The following LUZP2 variants were observed in gnomAD, a reference collection of about 807,000 sequenced individuals.
LUZP2 encodes leucine zipper protein 2.
In LUZP2, 52 loss-of-function variants were observed where a neutral mutation model predicts 51.6. That is an observed-to-expected ratio of 1.01 (90% CI 0.81 to 1.27). The LOEUF (loss-of-function observed/expected upper bound fraction) is 1.27. LUZP2 is among the 50% of genes most tolerant of loss of function. The probability of loss-of-function intolerance (pLI) is 0.00; values close to 1 mark genes in which losing one functional copy is unlikely to be tolerated. For missense variants in LUZP2, 436 were observed against 395.4 expected (o/e 1.10, Z -0.87); for synonymous variants, 154 against 137.3 (o/e 1.12, Z -0.85).
chr11:24,723,769 T>C (rs189410023), intron 1 of LUZP2, among the ~76,000 whole-genome samples: 1 of 152,102 alleles, frequency 6.6e-6, no homozygotes, highest in Non-Finnish European at 1.5e-5. Flanking sequence ...AGTTCGAGGC[T>C]GCAGTGAGCT....
chr11:24,623,471 A>G (rs939204795), intron 1 of LUZP2, among the ~76,000 whole-genome samples: 1 of 152,188 alleles, frequency 6.6e-6, no homozygotes, highest in Non-Finnish European at 1.5e-5. Context: ...TGAAAAGAAC[A>G]CAAGGATCTA....
intron 1 of LUZP2, 31 bp downstream of exon 1, chr11:24,497,336 C>T: frequency 6.8e-7 from 1 of 1,471,954 alleles, no homozygotes. Flanking sequence ...GACCTGAGGC[C>T]AGGGGCGCTG....
intron 5 of LUZP2, among the ~76,000 whole-genome samples, chr11:24,801,371 A>G (rs1590553749): frequency 6.6e-6 from 1 of 152,192 alleles, no homozygotes; most frequent in Non-Finnish European, 1.5e-5. Flanking sequence ...CAGTGGTCAC[A>G]TGTTCACTAA....
chr11:24,920,594 G>A (rs1358428971), intron 7 of LUZP2, among the ~76,000 whole-genome samples: 1 of 151,854 alleles, frequency 6.6e-6, no homozygotes, highest in Non-Finnish European at 1.5e-5. Flanking sequence ...CATATGGAAT[G>A]CTATTCAACT....
At chr11:24,730,411 A>C (rs1253171273) in intron 2 of LUZP2, among the ~76,000 whole-genome samples, 1 of 151,810 alleles carries the variant, frequency 6.6e-6, no homozygotes, top group East Asian at 1.9e-4. Context: ...CGAGAGCAAA[A>C]AAAAAAAATT....
chr11:24,580,417 G>A (rs1852807155), intron 1 of LUZP2, among the ~76,000 whole-genome samples: 1 of 152,082 alleles, frequency 6.6e-6, no homozygotes, highest in Admixed American at 6.6e-5. Context: ...AAATAAATAG[G>A]CTGAGAGTTT....
intron 1 of LUZP2, among the ~76,000 whole-genome samples, chr11:24,581,652 CAG>C (rs1420641202): frequency 1.3e-5 from 2 of 151,034 alleles, no homozygotes; most frequent in Non-Finnish European, 2.9e-5. Context: ...GCCTGGGTGA[CAG>C]AGTGAGACTC....
intron 4 of LUZP2, among the ~76,000 whole-genome samples, chr11:24,755,418 A>C (rs1328765010): frequency 6.6e-6 from 1 of 152,150 alleles, no homozygotes; most frequent in African/African-American, 2.4e-5. Flanking sequence ...TAGTGGCCTG[A>C]GCTCAGACAG....
At chr11:24,620,880 C>T (rs757762626) in intron 1 of LUZP2, among the ~76,000 whole-genome samples, 1 of 152,162 alleles carries the variant, frequency 6.6e-6, no homozygotes, top group Non-Finnish European at 1.5e-5. Flanking sequence ...TCAGTGAGAA[C>T]ATATAAGATT....
chr11:24,912,384 G>C (rs1853661339), intron 6 of LUZP2, among the ~76,000 whole-genome samples: 1 of 151,974 alleles, frequency 6.6e-6, no homozygotes, highest in South Asian at 2.1e-4. Flanking sequence ...CCTTGTAGTG[G>C]TGCATCATTG....
chr11:24,552,543 G>C (rs1425008736), intron 1 of LUZP2, among the ~76,000 whole-genome samples: 7 of 152,058 alleles, frequency 4.6e-5, no homozygotes, highest in Non-Finnish European at 7.4e-5. Flanking sequence ...ATTTGCAGCT[G>C]AAAAGATCAT....
intron 5 of LUZP2, among the ~76,000 whole-genome samples, chr11:24,872,782 T>C (rs1306053357): frequency 6.6e-6 from 1 of 152,172 alleles, no homozygotes; most frequent in Non-Finnish European, 1.5e-5. Context: ...GCACATTCTT[T>C]GTTTCCTCTT....
chr11:24,883,192 A>AT (rs1462367275), intron 5 of LUZP2, among the ~76,000 whole-genome samples: 1 of 151,708 alleles, frequency 6.6e-6, no homozygotes, highest in African/African-American at 2.4e-5. Flanking sequence ...TTTAAAGTAA[A>AT]TTTTTTAATG....
intron 10 of LUZP2, among the ~76,000 whole-genome samples, chr11:25,053,970 G>A (rs995294739): frequency 6.6e-6 from 1 of 152,044 alleles, no homozygotes; most frequent in Non-Finnish European, 1.5e-5. Flanking sequence ...TCAGTAATGA[G>A]GGCTCACCTT....
intron 5 of LUZP2, among the ~76,000 whole-genome samples, chr11:24,766,315 AG>A (rs1365832153): frequency 2.0e-5 from 3 of 152,166 alleles, no homozygotes; most frequent in Non-Finnish European, 4.4e-5. Flanking sequence ...ACAATTAACA[AG>A]GGGTGAAATA....
chr11:24,800,466 T>C (rs1316126069), intron 5 of LUZP2, among the ~76,000 whole-genome samples: 1 of 150,960 alleles, frequency 6.6e-6, no homozygotes, highest in African/African-American at 2.4e-5. Context: ...GAATTCCCTA[T>C]ATAAGCATGT....
chr11:25,056,883 G>A (rs1215229107), intron 10 of LUZP2, among the ~76,000 whole-genome samples: 1 of 152,056 alleles, frequency 6.6e-6, no homozygotes, highest in Non-Finnish European at 1.5e-5. Flanking sequence ...GGCAGATCAC[G>A]AGGTCAGGAG....
intron 1 of LUZP2, among the ~76,000 whole-genome samples, chr11:24,708,318 A>G (rs973361376): frequency 6.6e-6 from 1 of 152,216 alleles, no homozygotes; most frequent in Non-Finnish European, 1.5e-5. Flanking sequence ...TTTATCAGCT[A>G]TCTGGGCATC....
chr11:24,823,438 C>T (rs1441428499), intron 5 of LUZP2, among the ~76,000 whole-genome samples: 1 of 149,004 alleles, frequency 6.7e-6, no homozygotes, highest in East Asian at 2.0e-4. Flanking sequence ...CCTTGGAGGC[C>T]ATAGAAATAA....
Sources: allele counts gnomAD v4.1 joint callset (sites outside exome capture counted in the v4.1 genomes callset), GRCh38; gene constraint gnomAD v4.1.1; transcripts MANE v1.5; gene names NCBI Gene and HGNC (gene_info 2026-07-23, HGNC 2026-07-21).